The following MYO5B variants were observed in gnomAD, a reference collection of about 807,000 sequenced individuals.
MYO5B encodes the protein myosin VB.
In MYO5B, 143 loss-of-function variants were observed where a neutral mutation model predicts 229.3. The observed-to-expected ratio is 0.62, with a 90% CI of 0.54 to 0.72. The LOEUF (loss-of-function observed/expected upper bound fraction) is 0.72, where lower values mean the gene tolerates loss of function less well. MYO5B is among the 30% of genes least tolerant of loss of function. The probability of loss-of-function intolerance (pLI) is 0.00; values close to 1 mark genes in which losing one functional copy is unlikely to be tolerated. For missense variants in MYO5B, 2,321 were observed against 2,331.0 expected (o/e 1.00, Z 0.09); for synonymous variants, 918 against 885.2 (o/e 1.04, Z -0.66).
At chr18:49,980,916 A>G (rs976401456) in intron 8 of MYO5B, among the ~76,000 whole-genome samples, 1 of 152,216 alleles carries the variant, frequency 6.6e-6, no homozygotes, top group African/African-American at 2.4e-5. Flanking sequence ...GTTTAATAAG[A>G]ATGGTCATGT....
chr18:50,136,997 C>T (rs764298481), intron 1 of MYO5B, among the ~76,000 whole-genome samples: 6 of 152,208 alleles, frequency 3.9e-5, no homozygotes, highest in Non-Finnish European at 5.9e-5. Flanking sequence ...GTAGATTAAA[C>T]ACTTTACAAG....
At chr18:50,024,868 A>T (rs1315762375) in intron 4 of MYO5B, among the ~76,000 whole-genome samples, 1 of 152,194 alleles carries the variant, frequency 6.6e-6, no homozygotes, top group Non-Finnish European at 1.5e-5. Context: ...AGATAGTTAA[A>T]ATTAAGAGCT....
Position 49,878,978 on chromosome 18 carries a change from G to A in MYO5B, c.3243C>T (p.Tyr1081=), listed in dbSNP as rs746316472. The stretch of plus-strand genomic sequence containing the variant: ...TGGTCATTTCATCCCGAAGGTTGTC[G>A]TATCTCTGCTCCAACTGTGAATATT... ...VKEYSQLEQR[Y]DNLRDEMTII... Residue 1081 remains tyrosine (Y), a synonymous_variant, in exon 24 of 40, where the codon TAC becomes TAT. Transcript: ENST00000285039. The A allele has an allele frequency of 1.6e-4, 253 of 1,614,144 alleles. No homozygotes were observed. The highest frequency in any genetic ancestry group is 1.9e-4 in the Non-Finnish European group (223 of 1,180,018).
chr18:50,022,767 A>G (rs2026290541), intron 4 of MYO5B, among the ~76,000 whole-genome samples: 1 of 152,192 alleles, frequency 6.6e-6, no homozygotes, highest in Admixed American at 6.5e-5. Flanking sequence ...CTGGGAGGGA[A>G]GTCTGAAGGA....
chr18:49,841,559 G>C lies in MYO5B; in HGVS notation c.4612-105C>G, dbSNP rs2144038433. The C allele has an allele frequency of 3.8e-6, 4 of 1,047,750 alleles. No individual in the cohort carries two copies. In the South Asian group the frequency reaches 5.1e-5, roughly 13 times the overall value. 64.9% of individuals were successfully genotyped at this position (1,047,750 alleles called of 1,614,324 possible). On this transcript the variant is annotated intron_variant, in intron 34 of 39. Transcript: ENST00000285039. Reference sequence around the variant, plus strand: ...TTTCCTACCCTTACCTAGTGTTCCTGAGCAGCCCTGAGGCTGGGCAGGGCA... The same window carrying C: ...TTTCCTACCCTTACCTAGTGTTCCTCAGCAGCCCTGAGGCTGGGCAGGGCA...
chr18:50,008,541 T>TTG (rs961747076), intron 4 of MYO5B, among the ~76,000 whole-genome samples: 7 of 152,162 alleles, frequency 4.6e-5, no homozygotes, highest in East Asian at 3.9e-4. Context: ...GGGGACTGAC[T>TTG]TGTGTGTGTG....
chr18:50,165,491 AAAGG>A (rs1210815634), intron 1 of MYO5B, among the ~76,000 whole-genome samples: 1 of 65,232 alleles, frequency 1.5e-5, no homozygotes, highest in Non-Finnish European at 3.2e-5. Flanking sequence ...AAAAATAAAG[AAAGG>A]CCAGGCACAG....
At position 49,839,156 on chromosome 18, in the gene MYO5B, G is replaced by T; in HGVS notation, c.4840C>A (p.Gln1614Lys). The T allele has an allele frequency of 1.2e-6, 2 of 1,613,644 alleles. No homozygotes were observed. Among genetic ancestry groups the T allele is most frequent in the Non-Finnish European group, 1.7e-6 (2 of 1,180,036 alleles). ...QLIKIAEGVLQPMIVSAMLEN... is the reference protein window; with the variant it reads ...QLIKIAEGVLKPMIVSAMLEN... ...GCTGCCAGCTTACCTATCATCGGCT[G>T]TAACACGCCCTCGGCAATTTTAATG... Residue 1614 changes from glutamine (Q) to lysine (K), a missense_variant, in exon 36 of 40, where the codon CAG becomes AAG. By Grantham distance (53) the Gln-to-Lys change is moderately conservative. Around this residue, in one of 2 missense-constraint regions of MYO5B, gnomAD observed 2,113 missense variants for 2,044.7 expected, o/e 1.03. Coordinates refer to ENST00000285039, the MANE Select transcript of MYO5B (RefSeq NM_001080467.3).
chr18:49,942,402 A>C (rs2025326211), intron 14 of MYO5B, among the ~76,000 whole-genome samples: 1 of 150,092 alleles, frequency 6.7e-6, no homozygotes, highest in Admixed American at 6.6e-5. Flanking sequence ...AAAAAAAAAA[A>C]AAACTACCGT....
At chr18:50,149,823 T>C (rs1363873394) in intron 1 of MYO5B, among the ~76,000 whole-genome samples, 8 of 151,898 alleles carry the variant, frequency 5.3e-5, no homozygotes, top group Non-Finnish European at 8.8e-5. Context: ...AGAGCCAAAA[T>C]TGACAAATGG....
At chr18:49,925,735 CAAG>C (rs2025121968) in intron 17 of MYO5B, among the ~76,000 whole-genome samples, 1 of 152,192 alleles carries the variant, frequency 6.6e-6, no homozygotes, top group African/African-American at 2.4e-5. Context: ...GGTTTGAAAA[CAAG>C]TAGCTCCGCA....
chr18:50,049,171 A>G (rs1325165394), intron 2 of MYO5B, among the ~76,000 whole-genome samples: 1 of 152,192 alleles, frequency 6.6e-6, no homozygotes, highest in Non-Finnish European at 1.5e-5. Flanking sequence ...TCATATTCTA[A>G]ACCCTATATT....
At chr18:50,138,124 C>A (rs189627117) in intron 1 of MYO5B, among the ~76,000 whole-genome samples, 1 of 152,120 alleles carries the variant, frequency 6.6e-6, no homozygotes, top group Non-Finnish European at 1.5e-5. Flanking sequence ...AAAATATATA[C>A]CCGTGAACAT....
At chr18:50,092,603 G>A (rs2031471067) in intron 1 of MYO5B, among the ~76,000 whole-genome samples, 1 of 152,098 alleles carries the variant, frequency 6.6e-6, no homozygotes, top group South Asian at 2.1e-4. Context: ...AACCACGGGG[G>A]TTCCTGGAAG....
At chr18:49,979,328 C>A (rs1272658991) in intron 9 of MYO5B, among the ~76,000 whole-genome samples, 1 of 152,240 alleles carries the variant, frequency 6.6e-6, no homozygotes, top group African/African-American at 2.4e-5. Flanking sequence ...AGCTTCAAGG[C>A]TCTCACGAGG....
intron 17 of MYO5B, among the ~76,000 whole-genome samples, chr18:49,927,688 C>A (rs181617197): frequency 6.6e-6 from 1 of 152,180 alleles, no homozygotes; most frequent in South Asian, 2.1e-4. Context: ...AATTGGCTAG[C>A]CACATGTAGA....
chr18:50,159,364 C>G (rs1199323557), intron 1 of MYO5B, among the ~76,000 whole-genome samples: 1 of 152,178 alleles, frequency 6.6e-6, no homozygotes, highest in Non-Finnish European at 1.5e-5. Flanking sequence ...TCTCAGATAC[C>G]AATCCCCTGG....
intron 1 of MYO5B, among the ~76,000 whole-genome samples, chr18:50,102,733 T>TAAAAA (rs112311931): frequency 1.4e-5 from 2 of 147,296 alleles, no homozygotes; most frequent in African/African-American, 5.0e-5. Context: ...ACCAATGAAT[T>TAAAAA]AAAAAAAAAA....
chr18:50,111,334 A>G (rs1450057526), intron 1 of MYO5B, among the ~76,000 whole-genome samples: 1 of 152,204 alleles, frequency 6.6e-6, no homozygotes, highest in Non-Finnish European at 1.5e-5. Flanking sequence ...AAAACTACAA[A>G]ATCTCTACTC....
Sources: allele counts gnomAD v4.1 joint callset (sites outside exome capture counted in the v4.1 genomes callset), GRCh38; gene constraint gnomAD v4.1.1; regional missense constraint gnomAD v4.1.1; transcripts MANE v1.5; gene names NCBI Gene and HGNC (gene_info 2026-07-23, HGNC 2026-07-21).